The following PLS1 variants were observed in gnomAD, a reference collection of about 807,000 sequenced individuals.
The protein encoded by PLS1 is plastin 1, also known as plastin-1.
In PLS1, 32 loss-of-function variants were observed where a neutral mutation model predicts 73.7. The observed-to-expected ratio is 0.43, with a 90% CI of 0.33 to 0.58. The LOEUF (loss-of-function observed/expected upper bound fraction) is 0.58. PLS1 is among the 20% of genes least tolerant of loss of function. The probability of loss-of-function intolerance (pLI) is 0.04; values close to 1 mark genes in which losing one functional copy is unlikely to be tolerated. For missense variants in PLS1, 633 were observed against 740.5 expected (o/e 0.85, Z 1.68); for synonymous variants, 217 against 261.3 (o/e 0.83, Z 1.63).
intron 6 of PLS1, among the ~76,000 whole-genome samples, chr3:142,678,493 A>G (rs371029375): frequency 4.3e-5 from 6 of 140,718 alleles, no homozygotes; most frequent in South Asian, 2.2e-4. Context: ...TCATTGTTCA[A>G]TTCCCACCTA....
intron 6 of PLS1, among the ~76,000 whole-genome samples, chr3:142,682,370 G>C (rs1460854548): frequency 6.6e-6 from 1 of 152,200 alleles, no homozygotes; most frequent in African/African-American, 2.4e-5. Context: ...AATGAAGACA[G>C]AGAGTAAAGT....
At position 142,684,134 on chromosome 3, in the gene PLS1, T is replaced by A; in HGVS notation, c.708T>A (p.Val236=). The stretch of plus-strand genomic sequence containing the variant: ...GACTTCTCTGGCAGATCATCAAAGT[T>A]GGCCTTTTTGCTGATATTGAGATTT... ...VLGLLWQIIK[V]GLFADIEISR... is the part of the protein sequence containing the mutation. The change falls in exon 7 of 16, where the codon GTT becomes GTA. Residue 236 remains valine (V), a synonymous_variant. Coordinates refer to ENST00000457734, the MANE Select transcript of PLS1 (RefSeq NM_001145319.2). 1.2e-6 allele frequency: 2 copies of A among 1,614,108 alleles called. No individual in the cohort carries two copies. The highest frequency in any genetic ancestry group is 1.7e-6 in the Non-Finnish European group (2 of 1,179,982).
At chr3:142,698,295 A>T (rs956365008) in intron 12 of PLS1, 2 of 392,222 alleles carry the variant, frequency 5.1e-6, no homozygotes, top group African/African-American at 2.1e-5. Context: ...AAGTCATAGT[A>T]CTTAATGTTC....
intron 1 of PLS1, among the ~76,000 whole-genome samples, chr3:142,611,559 C>T (rs1577771390): frequency 6.6e-6 from 1 of 152,186 alleles, no homozygotes; most frequent in Non-Finnish European, 1.5e-5. Flanking sequence ...GAGTTTGAGG[C>T]TGCAGTTAGC....
At position 142,704,752 on chromosome 3, in the gene PLS1, C is replaced by G. The variant is rs564733472; in HGVS notation, c.1629+166C>G. ...CAAGCTCTGCCTCCCAGGTTCACAC[C>G]ATTCTCCTGCCTCAGCCTCCTGAGT... On this transcript the variant is annotated intron_variant, in intron 14 of 15. Transcript: ENST00000457734. Among the ~76,000 whole-genome samples, 1,012 of 146,900 alleles carry G rather than the reference C, an allele frequency of 6.9e-3. 8 individuals carry two copies. The highest frequency in any genetic ancestry group is 8.3e-3 in the Non-Finnish European group (554 of 66,956).
chr3:142,601,689 A>T (rs559894392), intron 1 of PLS1, among the ~76,000 whole-genome samples: 61 of 151,896 alleles, frequency 4.0e-4, no homozygotes, highest in African/African-American at 1.2e-3. Flanking sequence ...TATTAAAAAA[A>T]ATTTTTTTAT....
intron 1 of PLS1, among the ~76,000 whole-genome samples, chr3:142,630,972 C>CACACACACACAT (rs1165182238): frequency 6.6e-6 from 1 of 151,442 alleles, no homozygotes; most frequent in Non-Finnish European, 1.5e-5. Flanking sequence ...CACACACACA[C>CACACACACACAT]ATAGAGGGAG....
In PLS1 at chr3:142,696,794, A is replaced by C. The variant is rs567849720; in HGVS notation, c.1257-1159A>C. Among the ~76,000 whole-genome samples the C allele has an allele frequency of 1.0e-3, 153 of 151,070 alleles. 1 individual carries two copies. The highest frequency in any genetic ancestry group is 3.6e-3 in the African/African-American group (149 of 41,390). Reference sequence around the variant, plus strand: ...GACAGGAATGAGAATGAATTCATTTAAAGTAAAAAAGAAAAATACATGAAA... The same window carrying C: ...GACAGGAATGAGAATGAATTCATTTCAAGTAAAAAAGAAAAATACATGAAA... On this transcript the variant is annotated intron_variant, in intron 11 of 15. Transcript: ENST00000457734.
chr3:142,601,429 A>G (rs1256400689), intron 1 of PLS1, among the ~76,000 whole-genome samples: 1 of 152,126 alleles, frequency 6.6e-6, no homozygotes, highest in Non-Finnish European at 1.5e-5. Context: ...AGTATTACAG[A>G]ATATCTTCCA....
At position 142,612,531 on chromosome 3, in the gene PLS1, C is replaced by A. The variant is rs149761139; in HGVS notation, c.-37+16022C>A. 2.6e-3 allele frequency among the ~76,000 whole-genome samples: 396 copies of A among 152,206 alleles called. 5 individuals are homozygous for A. The highest frequency in any genetic ancestry group is 9.2e-3 in the African/African-American group (383 of 41,524). On this transcript the variant is annotated intron_variant, in intron 1 of 15. Transcript: ENST00000457734. ...TACCTTCATGTTACTTTAGTTGGAT[C>A]AGTAGAAAAGGTTAGATCTCAAGTA...
At chr3:142,696,013 C>T (rs1305546836) in intron 11 of PLS1, among the ~76,000 whole-genome samples, 5 of 152,140 alleles carry the variant, frequency 3.3e-5, no homozygotes, top group African/African-American at 4.8e-5. Context: ...AGGCTGGACG[C>T]GAACTCCTGA....
In PLS1 at chr3:142,664,292, G is replaced by T; in HGVS notation, c.55G>T (p.Ala19Ser). The T allele has an allele frequency of 6.4e-7, 1 of 1,568,266 alleles. No individual in the cohort carries two copies. The highest frequency in any genetic ancestry group is 8.8e-7 in the Non-Finnish European group (1 of 1,142,468). Reference sequence around the variant, plus strand: ...GGAGGAGCTTGAAGAACTACAAGAGGCATTTAATAAAATAGGTATGCTTGA... The same window carrying T: ...GGAGGAGCTTGAAGAACTACAAGAGTCATTTAATAAAATAGGTATGCTTGA... ...SREELEELQE[A>S]FNKIDIDNSG... The change falls in exon 2 of 16, where the codon GCA becomes TCA. Residue 19 changes from alanine (A) to serine (S), a missense_variant. By Grantham distance (99) the Ala-to-Ser change is moderately conservative. Coordinates refer to ENST00000457734, the MANE Select transcript of PLS1 (RefSeq NM_001145319.2).
intron 1 of PLS1, among the ~76,000 whole-genome samples, chr3:142,643,630 G>T (rs908773104): frequency 2.0e-5 from 3 of 152,120 alleles, no homozygotes; most frequent in African/African-American, 7.2e-5. Context: ...ATACATCAAA[G>T]AATGGAGAGG....
intron 1 of PLS1, among the ~76,000 whole-genome samples, chr3:142,624,205 C>T (rs1310592974): frequency 6.6e-6 from 1 of 152,118 alleles, no homozygotes; most frequent in Non-Finnish European, 1.5e-5. Context: ...ATTTGTTCTT[C>T]AGCATTTCCA....
intron 1 of PLS1, among the ~76,000 whole-genome samples, chr3:142,642,778 T>C (rs78415293): frequency 0.042 from 6,423 of 152,256 alleles, 433 homozygotes; most frequent in African/African-American, 0.15. Context: ...AGCCTCGACC[T>C]CCTGGGAGCT....
intron 10 of PLS1, among the ~76,000 whole-genome samples, chr3:142,691,516 C>T (rs7641793): frequency 0.016 from 2,446 of 152,120 alleles, 59 homozygotes; most frequent in African/African-American, 0.054. Context: ...CCAACTTGCT[C>T]GCTTTCTTAT....
At chr3:142,618,539 T>C (rs2036254770) in intron 1 of PLS1, among the ~76,000 whole-genome samples, 1 of 152,334 alleles carries the variant, frequency 6.6e-6, no homozygotes, top group Non-Finnish European at 1.5e-5. Context: ...AGAATCGTTT[T>C]CATGGCTCAT....
intron 9 of PLS1, 50 bp downstream of exon 9, chr3:142,686,426 GA>G (rs1407644040): frequency 9.3e-7 from 1 of 1,073,886 alleles, no homozygotes; most frequent in Non-Finnish European, 1.5e-6. Flanking sequence ...AACAGACGTA[GA>G]AAATTTACCA....
intron 1 of PLS1, among the ~76,000 whole-genome samples, chr3:142,602,555 G>T (rs2035945575): frequency 6.6e-6 from 1 of 152,030 alleles, no homozygotes; most frequent in Non-Finnish European, 1.5e-5. Context: ...GGTGGGTGTG[G>T]ATACCTCAGG....
Sources: gnomAD v4.1 joint callset for allele counts (sites outside exome capture counted in the v4.1 genomes callset) on GRCh38, gnomAD v4.1.1 for gene constraint, MANE v1.5 for transcripts, NCBI Gene and HGNC (gene_info 2026-07-23, HGNC 2026-07-21) for gene names.